STPG2: variants seen among roughly 807,000 people sequenced by gnomAD.
STPG2 encodes the protein sperm-tail PG-rich repeat-containing protein 2.
In STPG2, 56 loss-of-function variants were observed where a neutral mutation model predicts 54.2. The observed-to-expected ratio is 1.03, with a 90% CI of 0.83 to 1.29. The LOEUF (loss-of-function observed/expected upper bound fraction) is 1.29. STPG2 is among the 50% of genes most tolerant of loss of function. The probability of loss-of-function intolerance (pLI) is 0.00; values close to 1 mark genes in which losing one functional copy is unlikely to be tolerated. For missense variants in STPG2, 596 were observed against 544.9 expected, an observed-to-expected ratio of 1.09 and a Z score of -0.93; for synonymous variants, 200 against 181.8, an observed-to-expected ratio of 1.10 and a Z score of -0.81.
chr4:97,966,034 A>G (rs1271800464), intron 7 of STPG2, among the ~76,000 whole-genome samples: 2 of 152,220 alleles, frequency 1.3e-5, no homozygotes, highest in Non-Finnish European at 2.9e-5. Context: ...AGTTGACAGA[A>G]GTAGGCTTCA....
In STPG2 at chr4:97,460,578, C is replaced by G. The variant is rs556844850; in HGVS notation, c.462+252121G>C. Among the ~76,000 whole-genome samples the G allele has an allele frequency of 3.3e-5, 5 of 152,204 alleles. No individual in the cohort carries two copies. The South Asian group carries it at 8.3e-4, about 25-fold the overall frequency. ...ATTAGGCATGTTTAACCTTCTTAAA[C>G]TATTCTTCATGTATTTCTCCAAGGA... is the stretch of plus-strand genomic sequence containing the variant. On this transcript the variant is annotated intron_variant, in intron 4 of 4. Coordinates refer to the STPG2 transcript ENST00000522676.
Position 97,559,117 on chromosome 4 carries a change from T to A in STPG2, c.1321A>T (p.Ile441Leu), listed in dbSNP as rs1193958043. 5 of 1,596,220 alleles carry A rather than the reference T, an allele frequency of 3.1e-6. No homozygotes were observed. The highest frequency in any genetic ancestry group is 4.3e-6 in the Non-Finnish European group (5 of 1,170,918). ...TTTCCTTTCTTTTTCTCCTGGGATA[T>A]CTGTTTAATAAGAATGAGAAAAAAA... The part of the protein sequence containing the change: ...EITPGPATYE[I>L]SQEKKKGNLI... Residue 441 changes from isoleucine to leucine, a missense_variant and splice_region_variant, in exon 11 of 11, where the codon ATA becomes TTA. By Grantham distance (5) the Ile-to-Leu change is conservative. Coordinates refer to ENST00000295268, the MANE Select transcript of STPG2 (RefSeq NM_174952.3).
intron 10 of STPG2, among the ~76,000 whole-genome samples, chr4:97,632,010 T>C (rs929643550): frequency 1.3e-5 from 2 of 152,008 alleles, no homozygotes; most frequent in African/African-American, 4.8e-5. Context: ...CAAATCAGAA[T>C]ACATTAATAA....
chr4:97,497,165 G>A (rs1333609849), intron 4 of STPG2, among the ~76,000 whole-genome samples: 12 of 151,498 alleles, frequency 7.9e-5, no homozygotes, highest in African/African-American at 2.9e-4. Flanking sequence ...AATCAAAACA[G>A]AAAATAACAC....
chr4:97,892,780 G>C (rs72686449), intron 8 of STPG2, among the ~76,000 whole-genome samples: 17,694 of 152,154 alleles, frequency 0.12, 1,441 homozygotes, highest in East Asian at 0.36. Flanking sequence ...TGTATGTACA[G>C]CTCCCATAAA....
intron 4 of STPG2, among the ~76,000 whole-genome samples, chr4:97,474,023 ACATTTGTCAAAACC>A (rs1730011243): frequency 6.6e-6 from 1 of 152,098 alleles, no homozygotes; most frequent in African/African-American, 2.4e-5. Flanking sequence ...ATGTCATTAT[ACATTTGTCAAAACC>A]CATGGAATGT....
At chr4:97,656,946 T>G (rs998108598) in intron 10 of STPG2, among the ~76,000 whole-genome samples, 1 of 152,012 alleles carries the variant, frequency 6.6e-6, no homozygotes, top group Admixed American at 6.6e-5. Flanking sequence ...TTGTTACACA[T>G]GATTTAAAAT....
At chr4:98,105,221 G>C (rs1206911109) in intron 5 of STPG2, among the ~76,000 whole-genome samples, 1 of 152,180 alleles carries the variant, frequency 6.6e-6, no homozygotes, top group Admixed American at 6.5e-5. Flanking sequence ...TCTGGGGGCT[G>C]CCCAATTCAC....
At chr4:97,711,045 A>G (rs1315552068) in intron 10 of STPG2, among the ~76,000 whole-genome samples, 1 of 151,846 alleles carries the variant, frequency 6.6e-6, no homozygotes, top group Non-Finnish European at 1.5e-5. Context: ...TAAAATCTTA[A>G]GAAAGAAAAA....
chr4:97,926,989 G>C (rs1327280281), intron 8 of STPG2, among the ~76,000 whole-genome samples: 3 of 152,032 alleles, frequency 2.0e-5, no homozygotes, highest in Non-Finnish European at 4.4e-5. Context: ...GGTACGTCTT[G>C]TTATCCTTAC....
chr4:97,546,578 A>G (rs367738245), intron 4 of STPG2, among the ~76,000 whole-genome samples: 11 of 152,288 alleles, frequency 7.2e-5, no homozygotes, highest in African/African-American at 2.6e-4. Flanking sequence ...CACAGAATAG[A>G]GTAGAAAAAG....
At chr4:97,704,722 A>G (rs1723888103) in intron 10 of STPG2, among the ~76,000 whole-genome samples, 1 of 152,214 alleles carries the variant, frequency 6.6e-6, no homozygotes, top group South Asian at 2.1e-4. Flanking sequence ...ATAACATAAA[A>G]TACTGTCCCA....
At chr4:97,596,335 C>G (rs2148902345) in intron 10 of STPG2, among the ~76,000 whole-genome samples, 1 of 152,200 alleles carries the variant, frequency 6.6e-6, no homozygotes, top group South Asian at 2.1e-4. Flanking sequence ...CACCATTAGA[C>G]AGATCACTGA....
At chr4:97,805,071 T>C (rs1727511839) in intron 9 of STPG2, among the ~76,000 whole-genome samples, 1 of 152,204 alleles carries the variant, frequency 6.6e-6, no homozygotes. Flanking sequence ...ACTATATGTG[T>C]TCCTGAAAAT....
intron 4 of STPG2, among the ~76,000 whole-genome samples, chr4:97,475,011 T>A (rs1438124759): frequency 6.6e-6 from 1 of 152,110 alleles, no homozygotes; most frequent in Non-Finnish European, 1.5e-5. Context: ...ATTCATTCAC[T>A]CTATTAGCAT....
intron 9 of STPG2, among the ~76,000 whole-genome samples, chr4:97,807,873 CAATG>C (rs1319144615): frequency 6.6e-6 from 1 of 151,758 alleles, no homozygotes; most frequent in Admixed American, 6.6e-5. Flanking sequence ...AAACCAAAGA[CAATG>C]AGAAAATTTT....
intron 4 of STPG2, among the ~76,000 whole-genome samples, chr4:97,508,915 A>T (rs1730910091): frequency 6.6e-6 from 1 of 152,152 alleles, no homozygotes; most frequent in East Asian, 1.9e-4. Context: ...CATCATAAAA[A>T]TTCTTCCCTT....
chr4:97,661,663 G>A (rs1267543047), intron 10 of STPG2, among the ~76,000 whole-genome samples: 1 of 151,778 alleles, frequency 6.6e-6, no homozygotes, highest in African/African-American at 2.4e-5. Flanking sequence ...AAAGGGGAAT[G>A]CTCTCCATAA....
At chr4:98,011,078 T>C (rs1233630014) in intron 5 of STPG2, among the ~76,000 whole-genome samples, 1 of 152,082 alleles carries the variant, frequency 6.6e-6, no homozygotes, top group Non-Finnish European at 1.5e-5. Context: ...CCCACATGCA[T>C]TAGCTATTTG....
Sources: allele counts gnomAD v4.1 joint callset (sites outside exome capture counted in the v4.1 genomes callset), GRCh38; gene constraint gnomAD v4.1.1; transcripts MANE v1.5; gene names NCBI Gene and HGNC (gene_info 2026-07-23, HGNC 2026-07-21).